Variants in GPC6 observed in about 807,000 individuals in gnomAD.
The protein encoded by GPC6 is glypican 6.
GPC6 carries 14 observed loss-of-function variants against 55.2 expected under a neutral mutation model. That is an observed-to-expected ratio of 0.25 (90% CI 0.17 to 0.40). The LOEUF is 0.40. Among genes scored for constraint, GPC6 ranks in the 10% least tolerant of loss-of-function variants. The pLI, the probability that GPC6 is intolerant of heterozygous loss-of-function variation, is 1.00. For missense variants in GPC6, 641 were observed against 708.5 expected, an observed-to-expected ratio of 0.90 and a Z score of 1.08; for synonymous variants, 278 against 259.6, an observed-to-expected ratio of 1.07 and a Z score of -0.68.
At chr13:93,381,970 CA>C (rs1875193872) in intron 1 of GPC6, among the ~76,000 whole-genome samples, 1 of 152,020 alleles carries the variant, frequency 6.6e-6, no homozygotes, top group African/African-American at 2.4e-5. Context: ...CAAAATACTT[CA>C]GTTTTAGGAG....
rs117437840 is a variant in GPC6 at position 94,222,839 on chromosome 13, G to T, written c.878-63510G>T. Among the ~76,000 whole-genome samples the T allele has an allele frequency of 1.8e-4, 28 of 152,160 alleles. 2 individuals are homozygous for T. The East Asian group carries it at 5.4e-3, about 29-fold the overall frequency. On this transcript the variant is annotated intron_variant, in intron 4 of 8. Coordinates refer to ENST00000377047, the MANE Select transcript of GPC6 (RefSeq NM_005708.5). ...ATTACCAGTGATCTATTCTCCACCT[G>T]TGCTCAGCTGCATTCTGACCTGGCA...
chr13:93,442,004 A>T (rs1877822711), intron 1 of GPC6, among the ~76,000 whole-genome samples: 1 of 152,210 alleles, frequency 6.6e-6, no homozygotes, highest in African/African-American at 2.4e-5. Context: ...GGATAGAACG[A>T]TCTGGATTTT....
intron 2 of GPC6, among the ~76,000 whole-genome samples, chr13:93,811,063 A>C (rs968379401): frequency 1.3e-5 from 2 of 152,238 alleles, no homozygotes; most frequent in African/African-American, 4.8e-5. Context: ...GCAACATCAA[A>C]TTACCTTGTA....
chr13:93,557,392 T>C (rs183580204), intron 2 of GPC6, among the ~76,000 whole-genome samples: 198 of 151,466 alleles, frequency 1.3e-3, no homozygotes, highest in Non-Finnish European at 2.3e-3. Flanking sequence ...TATATTATGA[T>C]TGATGTTAAA....
chr13:94,367,438 T>A (rs550380021), intron 6 of GPC6, among the ~76,000 whole-genome samples: 193 of 152,350 alleles, frequency 1.3e-3, no homozygotes, highest in African/African-American at 4.0e-3. Flanking sequence ...CCATAGGGAA[T>A]GAGGCACAAT....
chr13:93,997,303 A>G (rs535258081), intron 3 of GPC6, among the ~76,000 whole-genome samples: 2 of 152,234 alleles, frequency 1.3e-5, no homozygotes, highest in East Asian at 1.9e-4. Context: ...CTACTCTCCT[A>G]TTTTATGTAT....
intron 3 of GPC6, among the ~76,000 whole-genome samples, chr13:93,876,917 A>C (rs895840966): frequency 7.2e-5 from 11 of 151,962 alleles, no homozygotes; most frequent in Non-Finnish European, 8.8e-5. Flanking sequence ...ATCCCCAAAC[A>C]CTCACCATAC....
intron 2 of GPC6, among the ~76,000 whole-genome samples, chr13:93,788,990 G>C (rs926296948): frequency 6.6e-6 from 1 of 152,100 alleles, no homozygotes; most frequent in Non-Finnish European, 1.5e-5. Context: ...AAGATAGAGA[G>C]AAGTATTGAG....
At chr13:94,168,150 C>A (rs1419807383) in intron 4 of GPC6, among the ~76,000 whole-genome samples, 2 of 152,226 alleles carry the variant, frequency 1.3e-5, no homozygotes, top group African/African-American at 2.4e-5. Flanking sequence ...CAGTAAATGA[C>A]AGAGCCAAAC....
Position 94,265,703 on chromosome 13 carries a change from G to A in GPC6, c.878-20646G>A, listed in dbSNP as rs76126047. 3.9e-3 allele frequency among the ~76,000 whole-genome samples: 601 copies of A among 152,258 alleles called. 29 individuals are homozygous for A. The South Asian group carries it at 0.073, about 19-fold the overall frequency. On this transcript the variant is annotated intron_variant, in intron 4 of 8. Transcript: ENST00000377047. Reference sequence around the variant, plus strand: ...TAAGTGGGTAAAACTTGCAGAGAAGGAAAACTGAGGAGCAGGAAGTGATTA... The same window carrying A: ...TAAGTGGGTAAAACTTGCAGAGAAGAAAAACTGAGGAGCAGGAAGTGATTA...
intron 3 of GPC6, among the ~76,000 whole-genome samples, chr13:93,918,537 C>G (rs1334433270): frequency 6.6e-6 from 1 of 152,114 alleles, no homozygotes; most frequent in African/African-American, 2.4e-5. Context: ...CTCCAATGTC[C>G]CACATTAAAG....
At chr13:94,339,990 C>G (rs1364695058) in intron 6 of GPC6, among the ~76,000 whole-genome samples, 1 of 151,864 alleles carries the variant, frequency 6.6e-6, no homozygotes, top group African/African-American at 2.4e-5. Flanking sequence ...CTCAAACTCC[C>G]GATCTCAGGT....
chr13:93,562,300 G>A (rs1875854302), intron 2 of GPC6, among the ~76,000 whole-genome samples: 1 of 152,028 alleles, frequency 6.6e-6, no homozygotes, highest in African/African-American at 2.4e-5. Flanking sequence ...TTCAAATCTA[G>A]ATCCCTTTAT....
intron 4 of GPC6, among the ~76,000 whole-genome samples, chr13:94,220,927 A>C (rs1364543879): frequency 6.6e-6 from 1 of 152,130 alleles, no homozygotes; most frequent in Non-Finnish European, 1.5e-5. Context: ...GGATTTCAGC[A>C]TATGAATTGG....
At chr13:94,242,183 C>T (rs1176824564) in intron 4 of GPC6, among the ~76,000 whole-genome samples, 1 of 151,924 alleles carries the variant, frequency 6.6e-6, no homozygotes, top group Non-Finnish European at 1.5e-5. Flanking sequence ...GTTTTTTGTC[C>T]TTGCGATAGT....
At chr13:93,394,000 T>G (rs969997291) in intron 1 of GPC6, among the ~76,000 whole-genome samples, 9 of 152,196 alleles carry the variant, frequency 5.9e-5, no homozygotes, top group Non-Finnish European at 1.2e-4. Context: ...ACATTTTCAT[T>G]TTAGTAATCT....
At chr13:93,560,252 A>G (rs1282766757) in intron 2 of GPC6, among the ~76,000 whole-genome samples, 1 of 151,860 alleles carries the variant, frequency 6.6e-6, no homozygotes, top group East Asian at 1.9e-4. Context: ...TCACTCCTTT[A>G]ATCCCAGCAC....
At chr13:93,693,124 C>CT (rs1239967457) in intron 2 of GPC6, among the ~76,000 whole-genome samples, 2 of 152,016 alleles carry the variant, frequency 1.3e-5, no homozygotes, top group Non-Finnish European at 2.9e-5. Context: ...ATCTTCAAGC[C>CT]TGGGTGTACA....
At chr13:93,884,844 A>G (rs1875224814) in intron 3 of GPC6, among the ~76,000 whole-genome samples, 2 of 152,142 alleles carry the variant, frequency 1.3e-5, no homozygotes, top group Non-Finnish European at 2.9e-5. Context: ...GTTAGACTTA[A>G]AAGAAAGATG....
Sources: gnomAD v4.1 joint callset for allele counts (sites outside exome capture counted in the v4.1 genomes callset) on GRCh38, gnomAD v4.1.1 for gene constraint, MANE v1.5 for transcripts, NCBI Gene and HGNC (gene_info 2026-07-23, HGNC 2026-07-21) for gene names.